Variants in RPS6KA2 observed in about 807,000 individuals in gnomAD.
The protein encoded by RPS6KA2 is ribosomal protein S6 kinase alpha-2.
In RPS6KA2, 42 loss-of-function variants were observed where a neutral mutation model predicts 91.8. The ratio of observed to expected loss-of-function variants is 0.46; its 90% CI spans 0.36 to 0.59. The LOEUF is 0.59. RPS6KA2 is among the 20% of genes least tolerant of loss of function. The pLI is 0.00. For synonymous variants in RPS6KA2, 414 were observed against 393.6 expected, an observed-to-expected ratio of 1.05 and a Z score of -0.61; for missense variants, 798 against 978.5, an observed-to-expected ratio of 0.82 and a Z score of 2.46.
intron 1 of RPS6KA2, among the ~76,000 whole-genome samples, chr6:166,553,715 T>C (rs1269821667): frequency 2.6e-5 from 4 of 152,116 alleles, no homozygotes; most frequent in Non-Finnish European, 5.9e-5. Flanking sequence ...GAGGATACCA[T>C]TGCTGAGCCA....
rs539368116 is a variant in RPS6KA2, at chr6:166,621,164, ACGC to A, written c.99+5754_99+5756del. 5.6e-3 allele frequency among the ~76,000 whole-genome samples: 859 copies of A among 152,336 alleles called. 8 individuals carry two copies. Among genetic ancestry groups the A allele is most frequent in the African/African-American group, 0.02 (813 of 41,570 alleles). ...AACACCCTCTGACTGATCTCCAGGAACGCATGCAAATGACTGCATAACATATGC... is the reference window on the plus strand; with the variant it reads ...AACACCCTCTGACTGATCTCCAGGAAATGCAAATGACTGCATAACATATGC... On this transcript the variant is annotated intron_variant, in intron 1 of 20. Coordinates refer to ENST00000265678, the MANE Select transcript of RPS6KA2 (RefSeq NM_021135.6).
chr6:166,739,362 AT>A (rs1790749642), intron 2 of RPS6KA2, among the ~76,000 whole-genome samples: 1 of 152,258 alleles, frequency 6.6e-6, no homozygotes. Context: ...CTAGGTAAGG[AT>A]CCCTAACTAA....
chr6:166,708,802 T>C (rs972072072), intron 2 of RPS6KA2, among the ~76,000 whole-genome samples: 2 of 152,230 alleles, frequency 1.3e-5, no homozygotes, highest in Non-Finnish European at 2.9e-5. Flanking sequence ...CACTTTCAAG[T>C]GTAATTATAT....
chr6:166,723,445 A>AG (rs1238577425), intron 2 of RPS6KA2, among the ~76,000 whole-genome samples: 5 of 151,910 alleles, frequency 3.3e-5, no homozygotes, highest in Admixed American at 6.6e-5. Flanking sequence ...TCTTCACCCC[A>AG]GGGGGGTCCC....
chr6:166,641,116 C>T (rs914943346), intron 2 of RPS6KA2, among the ~76,000 whole-genome samples: 5 of 152,124 alleles, frequency 3.3e-5, no homozygotes, highest in African/African-American at 9.7e-5. Context: ...GAGGAACATG[C>T]TTTAAACACG....
At chr6:166,766,786 G>T (rs567310289) in intron 2 of RPS6KA2, among the ~76,000 whole-genome samples, 1 of 152,218 alleles carries the variant, frequency 6.6e-6, no homozygotes, top group Non-Finnish European at 1.5e-5. Context: ...TCTCTTCAGC[G>T]GTTGTTTGGG....
At chr6:166,474,334 G>A (rs533616652) in intron 10 of RPS6KA2, among the ~76,000 whole-genome samples, 42 of 152,234 alleles carry the variant, frequency 2.8e-4, no homozygotes, top group Non-Finnish European at 4.6e-4. Flanking sequence ...CTGCCCGTGC[G>A]TCAGCCACAG....
At position 166,561,948 on chromosome 6, in the gene RPS6KA2, G is replaced by A. The variant is rs141208374; in HGVS notation, c.100-23164C>T. 6.4e-4 allele frequency among the ~76,000 whole-genome samples: 97 copies of A among 152,266 alleles called. No individual in the cohort carries two copies. In the Middle Eastern group the frequency reaches 0.031, roughly 48 times the overall value. On this transcript the variant is annotated intron_variant, in intron 1 of 20. Transcript: ENST00000265678. Reference sequence around the variant, plus strand: ...ATAAAAGTGAGGGCGTACTGAGCACGCATATGTCAGGCACTGTGCAAAGCA... The same window carrying A: ...ATAAAAGTGAGGGCGTACTGAGCACACATATGTCAGGCACTGTGCAAAGCA...
intron 8 of RPS6KA2, among the ~76,000 whole-genome samples, chr6:166,491,867 T>C (rs1367829040): frequency 6.6e-6 from 1 of 152,250 alleles, no homozygotes; most frequent in Admixed American, 6.5e-5. Context: ...TAAGGTTTTG[T>C]ATACTAACTT....
At chr6:166,725,472 G>T (rs1163922639) in intron 2 of RPS6KA2, among the ~76,000 whole-genome samples, 1 of 152,202 alleles carries the variant, frequency 6.6e-6, no homozygotes, top group Non-Finnish European at 1.5e-5. Flanking sequence ...CAGCCTCCTA[G>T]CCCAGCCCAG....
At chr6:166,742,524 C>T (rs1790844656) in intron 2 of RPS6KA2, among the ~76,000 whole-genome samples, 1 of 152,192 alleles carries the variant, frequency 6.6e-6, no homozygotes, top group Admixed American at 6.5e-5. Flanking sequence ...CTTCTGCCTC[C>T]TCCTGACACA....
At chr6:166,600,371 T>C (rs1419734259) in intron 1 of RPS6KA2, among the ~76,000 whole-genome samples, 1 of 152,222 alleles carries the variant, frequency 6.6e-6, no homozygotes, top group Non-Finnish European at 1.5e-5. Flanking sequence ...ACGATGTCTG[T>C]CTTATTCTCA....
chr6:166,643,117 C>T (rs935623043), intron 2 of RPS6KA2, among the ~76,000 whole-genome samples: 1 of 152,152 alleles, frequency 6.6e-6, no homozygotes, highest in African/African-American at 2.4e-5. Context: ...TTAAAATGTC[C>T]TTTATCTCTG....
At chr6:166,472,248 T>C (rs1780800455) in intron 10 of RPS6KA2, among the ~76,000 whole-genome samples, 1 of 152,220 alleles carries the variant, frequency 6.6e-6, no homozygotes, top group Admixed American at 6.5e-5. Context: ...CTGTACTTCT[T>C]TGGAGGATCT....
intron 2 of RPS6KA2, among the ~76,000 whole-genome samples, chr6:166,638,532 G>C (rs1787320252): frequency 6.6e-6 from 1 of 152,196 alleles, no homozygotes; most frequent in Non-Finnish European, 1.5e-5. Flanking sequence ...GATGTAGCTG[G>C]AGACAGGCGA....
At chr6:166,465,573 G>A (rs1466768435) in intron 11 of RPS6KA2, among the ~76,000 whole-genome samples, 1 of 152,242 alleles carries the variant, frequency 6.6e-6, no homozygotes, top group Non-Finnish European at 1.5e-5. Context: ...TGTGCCTGCA[G>A]TTTACGCGGT....
At chr6:166,843,930 T>A (rs892244764) in intron 2 of RPS6KA2, among the ~76,000 whole-genome samples, 62 of 151,896 alleles carry the variant, frequency 4.1e-4, no homozygotes, top group African/African-American at 1.5e-3. Context: ...AATCTCTGAA[T>A]TGCCAGAAAA....
chr6:166,853,666 G>C (rs2128633097), intron 2 of RPS6KA2, among the ~76,000 whole-genome samples: 1 of 152,374 alleles, frequency 6.6e-6, no homozygotes, highest in Non-Finnish European at 1.5e-5. Context: ...GTGGCTGTGA[G>C]GTTCGTTTGA....
At chr6:166,642,343 C>T (rs2128550571) in intron 2 of RPS6KA2, among the ~76,000 whole-genome samples, 1 of 152,292 alleles carries the variant, frequency 6.6e-6, no homozygotes, top group South Asian at 2.1e-4. Context: ...AAAGACATTT[C>T]CAAGTAAACA....
Sources: allele counts gnomAD v4.1 joint callset (sites outside exome capture counted in the v4.1 genomes callset), GRCh38; gene constraint gnomAD v4.1.1; transcripts MANE v1.5; gene names NCBI Gene and HGNC (gene_info 2026-07-23, HGNC 2026-07-21).